Variants in DACH1 observed in about 807,000 individuals in gnomAD.
DACH1 encodes the protein dachshund family transcription factor 1.
DACH1 carries 12 observed loss-of-function variants against 54.2 expected under a neutral mutation model. The ratio of observed to expected loss-of-function variants is 0.22; its 90% CI spans 0.14 to 0.36. DACH1 has a LOEUF of 0.36. DACH1 is among the 10% of genes least tolerant of loss of function. The probability of loss-of-function intolerance (pLI) is 1.00; values close to 1 mark genes in which losing one functional copy is unlikely to be tolerated. For synonymous variants in DACH1, 386 were observed against 366.2 expected (o/e 1.05, Z -0.62); for missense variants, 805 against 929.8 (o/e 0.87, Z 1.75).
intron 1 of DACH1, among the ~76,000 whole-genome samples, chr13:71,690,145 T>C (rs1264161852): frequency 6.6e-6 from 1 of 152,154 alleles, no homozygotes. Context: ...GATAAGTAAA[T>C]GCATCAAACA....
chr13:71,576,528 A>G (rs777869464), intron 3 of DACH1, among the ~76,000 whole-genome samples: 2 of 152,182 alleles, frequency 1.3e-5, no homozygotes, highest in Non-Finnish European at 2.9e-5. Context: ...ATTTTATGAT[A>G]CATCTTTTAA....
At chr13:71,815,697 C>T (rs909846534) in intron 1 of DACH1, among the ~76,000 whole-genome samples, 15 of 152,270 alleles carry the variant, frequency 9.9e-5, no homozygotes, top group Non-Finnish European at 1.9e-4. Context: ...CAAAATTTCA[C>T]GTGACAGGTA....
At chr13:71,721,949 T>G (rs1051188548) in intron 1 of DACH1, among the ~76,000 whole-genome samples, 3 of 152,142 alleles carry the variant, frequency 2.0e-5, no homozygotes, top group Non-Finnish European at 2.9e-5. Flanking sequence ...ATTAGAATGA[T>G]ATTTATTATA....
chr13:71,851,377 T>C (rs887010004), intron 1 of DACH1, among the ~76,000 whole-genome samples: 3 of 152,220 alleles, frequency 2.0e-5, no homozygotes, highest in Non-Finnish European at 4.4e-5. Flanking sequence ...TATTACATTA[T>C]AACTAGTAAA....
At chr13:71,596,550 G>T (rs1004220993) in intron 3 of DACH1, among the ~76,000 whole-genome samples, 1 of 152,208 alleles carries the variant, frequency 6.6e-6, no homozygotes, top group Admixed American at 6.5e-5. Context: ...TATAAACAAA[G>T]AGATGGATAA....
rs1195977358 is a variant in DACH1 at position 71,804,298 on chromosome 13, G to A, written c.848+61624C>T. Among the ~76,000 whole-genome samples, 3 of 152,130 alleles carry A rather than the reference G, an allele frequency of 2.0e-5. No homozygotes were observed. The East Asian group carries it at 5.8e-4, about 29-fold the overall frequency. On this transcript the variant is annotated intron_variant, in intron 1 of 10. Transcript: ENST00000613252. Reference sequence around the variant, plus strand: ...ACTGGACTCCAGCCTCGGCAACAGGGTGAGACCTTGTCTCAGAGAAGAAAT... The same window carrying A: ...ACTGGACTCCAGCCTCGGCAACAGGATGAGACCTTGTCTCAGAGAAGAAAT...
At chr13:71,656,815 TAGAC>T (rs1879119742) in intron 2 of DACH1, among the ~76,000 whole-genome samples, 1 of 147,474 alleles carries the variant, frequency 6.8e-6, no homozygotes, top group African/African-American at 2.5e-5. Flanking sequence ...TATAGATAGA[TAGAC>T]AGATAGATAG....
At chr13:71,651,978 T>A (rs1012070548) in intron 2 of DACH1, among the ~76,000 whole-genome samples, 3 of 152,182 alleles carry the variant, frequency 2.0e-5, no homozygotes, top group Non-Finnish European at 4.4e-5. Context: ...AATACTAGAC[T>A]TTTAGTAAAT....
At chr13:71,775,084 A>G (rs555434870) in intron 1 of DACH1, among the ~76,000 whole-genome samples, 6 of 139,806 alleles carry the variant, frequency 4.3e-5, no homozygotes, top group African/African-American at 1.6e-4. Flanking sequence ...CAGAAGTTCG[A>G]GACCAGCCTG....
chr13:71,502,980 T>G (rs1015187416), intron 6 of DACH1, among the ~76,000 whole-genome samples: 4 of 152,230 alleles, frequency 2.6e-5, no homozygotes, highest in African/African-American at 9.6e-5. Context: ...AGTCTGATAA[T>G]TTACTAAGTA....
chr13:71,466,845 CAAA>C (rs55861394), intron 10 of DACH1, among the ~76,000 whole-genome samples: 4 of 99,452 alleles, frequency 4.0e-5, no homozygotes, highest in South Asian at 8.2e-4. Context: ...CACCCTGTCT[CAAA>C]AAAAAAAAAA....
Position 71,449,718 on chromosome 13 carries a change from T to TC in DACH1, c.2084-9027_2084-9026insG, listed in dbSNP as rs1210451488. Among the ~76,000 whole-genome samples, 65 of 152,200 alleles carry TC rather than the reference T, an allele frequency of 4.3e-4. 1 individual carries two copies. Among genetic ancestry groups the TC allele is most frequent in the Admixed American group, 1.6e-3 (25 of 15,290 alleles). On this transcript the variant is annotated intron_variant, in intron 10 of 10. Coordinates refer to ENST00000613252, the MANE Select transcript of DACH1 (RefSeq NM_080759.6). ...ATTTATTGCATCATTAAAAATTTTTTTAAAAAAGGCTGGTATGAAGTAAAG... is the reference window on the plus strand; with the variant it reads ...ATTTATTGCATCATTAAAAATTTTTTCTAAAAAAGGCTGGTATGAAGTAAAG...
intron 6 of DACH1, among the ~76,000 whole-genome samples, chr13:71,530,100 A>C (rs1882313824): frequency 6.6e-6 from 1 of 152,220 alleles, no homozygotes; most frequent in African/African-American, 2.4e-5. Context: ...CACTGAAGAT[A>C]GAAAATGAAG....
intron 1 of DACH1, among the ~76,000 whole-genome samples, chr13:71,735,941 G>T (rs540054917): frequency 6.6e-6 from 1 of 152,058 alleles, no homozygotes; most frequent in Non-Finnish European, 1.5e-5. Context: ...GGCATTTTTG[G>T]CAGCTGCAAA....
chr13:71,827,148 C>T (rs1009890155), intron 1 of DACH1, among the ~76,000 whole-genome samples: 2 of 151,998 alleles, frequency 1.3e-5, no homozygotes, highest in Non-Finnish European at 1.5e-5. Context: ...ACTTTGCTGC[C>T]TTAGAGTCCA....
At chr13:71,813,789 T>C (rs552349881) in intron 1 of DACH1, among the ~76,000 whole-genome samples, 14 of 152,210 alleles carry the variant, frequency 9.2e-5, no homozygotes, top group African/African-American at 3.4e-4. Flanking sequence ...TAAAGTAACA[T>C]GCAAAATCAT....
intron 1 of DACH1, among the ~76,000 whole-genome samples, chr13:71,815,981 AG>A (rs1887904161): frequency 6.6e-6 from 1 of 151,904 alleles, no homozygotes; most frequent in African/African-American, 2.4e-5. Flanking sequence ...GCTACTCGGG[AG>A]GCTGAGGCAG....
chr13:71,864,820 G>A (rs930912949), intron 1 of DACH1, among the ~76,000 whole-genome samples: 1 of 150,332 alleles, frequency 6.7e-6, no homozygotes, highest in Non-Finnish European at 1.5e-5. Context: ...GACCGGTCCC[G>A]CCGCCTCCTC....
intron 3 of DACH1, among the ~76,000 whole-genome samples, chr13:71,598,548 C>A (rs932947048): frequency 6.6e-6 from 1 of 152,072 alleles, no homozygotes; most frequent in African/African-American, 2.4e-5. Context: ...CCACTGCGCC[C>A]GGCCTGACGC....
Sources: allele counts gnomAD v4.1 joint callset (sites outside exome capture counted in the v4.1 genomes callset), GRCh38; gene constraint gnomAD v4.1.1; transcripts MANE v1.5; gene names NCBI Gene and HGNC (gene_info 2026-07-23, HGNC 2026-07-21).